The following TMEM178B variants were observed in gnomAD, a reference collection of about 807,000 sequenced individuals.
The protein encoded by TMEM178B is transmembrane protein 178B.
Under a neutral mutation model 31.0 loss-of-function variants are expected in TMEM178B, and 5 were observed. The observed-to-expected ratio is 0.16, with a 90% CI of 0.08 to 0.34. TMEM178B has a LOEUF of 0.34. Ranked by LOEUF, TMEM178B falls within the 10% of genes least tolerant of loss-of-function variation. The probability of loss-of-function intolerance (pLI) is 1.00; values close to 1 mark genes in which losing one functional copy is unlikely to be tolerated. For missense variants in TMEM178B, 275 were observed against 400.3 expected (o/e 0.69, Z 2.67); for synonymous variants, 164 against 164.0 (o/e 1.00, Z 0.00).
chr7:141,359,936 C>G (rs1799889305), intron 2 of TMEM178B, among the ~76,000 whole-genome samples: 1 of 152,128 alleles, frequency 6.6e-6, no homozygotes, highest in African/African-American at 2.4e-5. Flanking sequence ...GGGGTTTCCC[C>G]CTTCATGAAA....
At chr7:141,371,248 G>T (rs1800109891) in intron 2 of TMEM178B, among the ~76,000 whole-genome samples, 1 of 152,060 alleles carries the variant, frequency 6.6e-6, no homozygotes. Context: ...GCCCTTCCTT[G>T]GGGGTAAGTG....
chr7:141,098,382 T>A (rs967106210), intron 1 of TMEM178B, among the ~76,000 whole-genome samples: 1 of 152,228 alleles, frequency 6.6e-6, no homozygotes, highest in Non-Finnish European at 1.5e-5. Context: ...TTTATCAGAT[T>A]TGTCAGGACA....
chr7:141,498,173 T>G, the TMEM178B span, among the ~76,000 whole-genome samples: 1 of 152,238 alleles, frequency 6.6e-6, no homozygotes, highest in Non-Finnish European at 1.5e-5. Flanking sequence ...TAGGATATTT[T>G]ATTAATCTCA....
At chr7:141,325,619 T>C (rs1268482277) in intron 2 of TMEM178B, among the ~76,000 whole-genome samples, 1 of 152,104 alleles carries the variant, frequency 6.6e-6, no homozygotes, top group Admixed American at 6.5e-5. Context: ...CCAGAGAAGG[T>C]GTAACAAGCC....
intron 2 of TMEM178B, among the ~76,000 whole-genome samples, chr7:141,308,483 C>T (rs746386965): frequency 6.6e-6 from 1 of 152,176 alleles, no homozygotes; most frequent in Non-Finnish European, 1.5e-5. Flanking sequence ...ACTGCATCCT[C>T]AAACTCCTGG....
At chr7:141,239,233 G>A (rs1303133442) in intron 2 of TMEM178B, among the ~76,000 whole-genome samples, 6 of 152,152 alleles carry the variant, frequency 3.9e-5, no homozygotes, top group Non-Finnish European at 8.8e-5. Flanking sequence ...TATCTTAGGT[G>A]GGTTCATCCA....
chr7:141,459,931 G>A (rs1045620789), intron 3 of TMEM178B, among the ~76,000 whole-genome samples: 1 of 148,098 alleles, frequency 6.8e-6, no homozygotes, highest in Admixed American at 6.8e-5. Context: ...ACCTGGGTGA[G>A]GGAGAATAGA....
At chr7:141,281,216 A>C (rs571910161) in intron 2 of TMEM178B, among the ~76,000 whole-genome samples, 28 of 152,324 alleles carry the variant, frequency 1.8e-4, no homozygotes, top group Non-Finnish European at 3.2e-4. Flanking sequence ...ACCTAGAATA[A>C]AAATGAATTA....
At chr7:141,383,983 T>A (rs542479111) in intron 2 of TMEM178B, among the ~76,000 whole-genome samples, 1 of 152,362 alleles carries the variant, frequency 6.6e-6, no homozygotes, top group East Asian at 1.9e-4. Context: ...GATGAACATT[T>A]CTTCATGTGT....
intron 2 of TMEM178B, among the ~76,000 whole-genome samples, chr7:141,397,756 G>T (rs1332614137): frequency 6.6e-6 from 1 of 152,152 alleles, no homozygotes; most frequent in Non-Finnish European, 1.5e-5. Context: ...ATTGCCATTA[G>T]GAATACTTTC....
intron 1 of TMEM178B, among the ~76,000 whole-genome samples, chr7:141,164,690 C>A (rs1796232335): frequency 1.3e-5 from 2 of 152,066 alleles, no homozygotes; most frequent in South Asian, 4.1e-4. Flanking sequence ...GACAGGAAAC[C>A]CCCAAATAAG....
At chr7:141,302,141 A>G (rs1798738361) in intron 2 of TMEM178B, among the ~76,000 whole-genome samples, 1 of 152,230 alleles carries the variant, frequency 6.6e-6, no homozygotes, top group Non-Finnish European at 1.5e-5. Context: ...TGTCTATGTT[A>G]TCATAACGAA....
chr7:141,356,849 A>G (rs1030292458), intron 2 of TMEM178B, among the ~76,000 whole-genome samples: 1 of 151,900 alleles, frequency 6.6e-6, no homozygotes, highest in Non-Finnish European at 1.5e-5. Context: ...TATTCTCTGG[A>G]TCCTGCAGTC....
the TMEM178B span, among the ~76,000 whole-genome samples, chr7:141,501,790 G>T: frequency 1.3e-5 from 2 of 151,956 alleles, no homozygotes; most frequent in African/African-American, 2.4e-5. Context: ...GCAGGTTTTT[G>T]GACTTGCCCC....
intron 1 of TMEM178B, among the ~76,000 whole-genome samples, chr7:141,091,748 G>T (rs1794884143): frequency 6.6e-6 from 1 of 152,186 alleles, no homozygotes; most frequent in Non-Finnish European, 1.5e-5. Context: ...AATTTTTAGA[G>T]ACGGAGTCTT....
At chr7:141,386,601 T>G (rs1018852660) in intron 2 of TMEM178B, among the ~76,000 whole-genome samples, 5 of 152,236 alleles carry the variant, frequency 3.3e-5, no homozygotes, top group Admixed American at 6.5e-5. Context: ...GCATTTATTA[T>G]TTCTTTGTGG....
intron 2 of TMEM178B, among the ~76,000 whole-genome samples, chr7:141,343,076 G>T (rs1013771209): frequency 2.0e-5 from 3 of 152,182 alleles, no homozygotes; most frequent in African/African-American, 7.2e-5. Flanking sequence ...CCGGGCTGAG[G>T]CCTGAGAAGG....
rs541701606 is a variant in TMEM178B at position 141,220,569 on chromosome 7, C to T, written c.496+7865C>T. Among the ~76,000 whole-genome samples the T allele has an allele frequency of 2.0e-3, 310 of 152,126 alleles. 1 individual carries two copies. Among genetic ancestry groups the T allele is most frequent in the African/African-American group, 7.1e-3 (293 of 41,486 alleles). On this transcript the variant is annotated intron_variant, in intron 2 of 3. Transcript: ENST00000565468. ...AGTAGGGGTGGGAGGGAGTACAGTA[C>T]AGCCTTTTCTGTTAAAAACATCCAC...
intron 1 of TMEM178B, among the ~76,000 whole-genome samples, chr7:141,113,848 A>G (rs1422185287): frequency 6.6e-6 from 1 of 152,234 alleles, no homozygotes; most frequent in Non-Finnish European, 1.5e-5. Flanking sequence ...TTTGAGCTAT[A>G]TGACCTCTGA....
Sources: gnomAD v4.1 joint callset for allele counts (sites outside exome capture counted in the v4.1 genomes callset) on GRCh38, gnomAD v4.1.1 for gene constraint, MANE v1.5 for transcripts, NCBI Gene and HGNC (gene_info 2026-07-23, HGNC 2026-07-21) for gene names.